Variants in EPHA5 observed in about 807,000 individuals in gnomAD.
The protein encoded by EPHA5 is ephrin type-A receptor 5.
In EPHA5, 60 loss-of-function variants were observed where a neutral mutation model predicts 105.0. That is an observed-to-expected ratio of 0.57 (90% confidence interval 0.46 to 0.71). The LOEUF is 0.71. Ranked by LOEUF, EPHA5 falls within the 30% of genes least tolerant of loss-of-function variation. The pLI is 0.00. For synonymous variants in EPHA5, 513 were observed against 449.1 expected (o/e 1.14, Z -1.80); for missense variants, 1,218 against 1,274.7 (o/e 0.96, Z 0.68).
At chr4:65,511,861 T>C (rs1440853357) in intron 3 of EPHA5, among the ~76,000 whole-genome samples, 1 of 152,174 alleles carries the variant, frequency 6.6e-6, no homozygotes, top group Non-Finnish European at 1.5e-5. Context: ...ACAAAACACC[T>C]TGTAGGTTTC....
chr4:65,398,877 A>G (rs1721521559), intron 8 of EPHA5, among the ~76,000 whole-genome samples: 1 of 152,202 alleles, frequency 6.6e-6, no homozygotes, highest in African/African-American at 2.4e-5. Flanking sequence ...CTGTTACTCA[A>G]TAAAGCACCC....
chr4:65,545,998 G>A (rs761089531), intron 3 of EPHA5, among the ~76,000 whole-genome samples: 4 of 151,840 alleles, frequency 2.6e-5, no homozygotes, highest in Non-Finnish European at 4.4e-5. Flanking sequence ...AGGCCATAAG[G>A]TCTCCATCAC....
intron 13 of EPHA5, among the ~76,000 whole-genome samples, chr4:65,350,883 A>T (rs1237231694): frequency 6.6e-6 from 1 of 151,976 alleles, no homozygotes; most frequent in Non-Finnish European, 1.5e-5. Context: ...TTTTCCCTAC[A>T]ATGTAAATCC....
At chr4:65,339,218 G>A (rs1470854901) in intron 14 of EPHA5, among the ~76,000 whole-genome samples, 29 of 152,094 alleles carry the variant, frequency 1.9e-4, no homozygotes, top group Admixed American at 1.8e-3. Flanking sequence ...TATCACATAA[G>A]TGTCATTGGG....
At chr4:65,425,331 G>A (rs536964899) in intron 5 of EPHA5, among the ~76,000 whole-genome samples, 2 of 152,158 alleles carry the variant, frequency 1.3e-5, no homozygotes, top group South Asian at 4.1e-4. Context: ...TCTGCCAGCT[G>A]GAAGCCCCCA....
chr4:65,417,131 C>A (rs1263115013), intron 6 of EPHA5, among the ~76,000 whole-genome samples: 2 of 152,178 alleles, frequency 1.3e-5, no homozygotes, highest in Non-Finnish European at 2.9e-5. Context: ...TTTGCCTCTG[C>A]CTTTAATTAA....
intron 3 of EPHA5, among the ~76,000 whole-genome samples, chr4:65,528,860 T>C (rs180720465): frequency 3.3e-5 from 5 of 152,220 alleles, no homozygotes; most frequent in Admixed American, 2.0e-4. Flanking sequence ...GGAAATAATA[T>C]ACTGTCAAGG....
At chr4:65,546,401 G>T (rs1037961990) in intron 3 of EPHA5, among the ~76,000 whole-genome samples, 1 of 151,968 alleles carries the variant, frequency 6.6e-6, no homozygotes, top group Non-Finnish European at 1.5e-5. Context: ...TTGTTAAAAG[G>T]TGGATATGCT....
rs561962915 is a variant in EPHA5, at chr4:65,547,511, A to G, written c.911-51968T>C. ...TTTTTATTTTTTTTCCTGGTGTTAT[A>G]TTAAAGGTGATGTTCCGGTTAAGTC... On this transcript the variant is annotated intron_variant, in intron 3 of 16. Transcript: ENST00000613740. 3.3e-5 allele frequency among the ~76,000 whole-genome samples: 5 copies of G among 152,018 alleles called. No homozygotes were observed. The East Asian group carries it at 9.7e-4, about 30-fold the overall frequency.
intron 3 of EPHA5, among the ~76,000 whole-genome samples, chr4:65,546,434 CAGTTTATT>C (rs1746794421): frequency 6.6e-6 from 1 of 151,948 alleles, no homozygotes; most frequent in Admixed American, 6.6e-5. Context: ...TAAAGCAATA[CAGTTTATT>C]TCACATTGGA....
At chr4:65,561,137 A>T (rs1251768656) in intron 3 of EPHA5, among the ~76,000 whole-genome samples, 2 of 152,010 alleles carry the variant, frequency 1.3e-5, no homozygotes, top group Non-Finnish European at 2.9e-5. Flanking sequence ...TGGAAAAAAA[A>T]TTTCCTCCGT....
rs960080420 is a variant in EPHA5 at position 65,542,919 on chromosome 4, T to C, written c.911-47376A>G. Among the ~76,000 whole-genome samples, 10 of 152,074 alleles carry C rather than the reference T, an allele frequency of 6.6e-5. No homozygotes were observed. The East Asian group carries it at 7.7e-4, about 12-fold the overall frequency. On this transcript the variant is annotated intron_variant, in intron 3 of 16. Coordinates refer to ENST00000613740, the MANE Select transcript of EPHA5 (RefSeq NM_001281766.3). Reference sequence around the variant, plus strand: ...CCTGGGATGCAAGGCTGGTTCAATATATGCAAATCAATAAACATAATCCAT... The same window carrying C: ...CCTGGGATGCAAGGCTGGTTCAATACATGCAAATCAATAAACATAATCCAT...
intron 1 of EPHA5, among the ~76,000 whole-genome samples, chr4:65,645,801 A>G (rs367637005): frequency 2.3e-4 from 35 of 152,230 alleles, no homozygotes; most frequent in African/African-American, 8.2e-4. Context: ...TTTTATTCGT[A>G]TATAGACTAG....
intron 3 of EPHA5, among the ~76,000 whole-genome samples, chr4:65,543,139 G>T (rs1004227397): frequency 6.6e-6 from 1 of 151,996 alleles, no homozygotes; most frequent in African/African-American, 2.4e-5. Flanking sequence ...AAAGCTGGAA[G>T]CATTCCCTTT....
At chr4:65,356,699 T>A (rs1723328940) in intron 11 of EPHA5, among the ~76,000 whole-genome samples, 1 of 151,564 alleles carries the variant, frequency 6.6e-6, no homozygotes, top group African/African-American at 2.4e-5. Context: ...TGCAAACAAG[T>A]ATGATCTTCT....
At chr4:65,648,372 C>T (rs1343904406) in intron 1 of EPHA5, among the ~76,000 whole-genome samples, 1 of 152,098 alleles carries the variant, frequency 6.6e-6, no homozygotes. Context: ...AGGAAATAGA[C>T]ACATTGGAAT....
chr4:65,494,085 C>T (rs1165155715), intron 4 of EPHA5, among the ~76,000 whole-genome samples: 1 of 152,038 alleles, frequency 6.6e-6, no homozygotes, highest in Non-Finnish European at 1.5e-5. Context: ...TACAAAAGAG[C>T]ATATAAAAAT....
chr4:65,652,037 T>C (rs1173521287), intron 1 of EPHA5, among the ~76,000 whole-genome samples: 1 of 152,184 alleles, frequency 6.6e-6, no homozygotes, highest in Non-Finnish European at 1.5e-5. Context: ...ACCAAACTTG[T>C]ATAATCTTAC....
At chr4:65,414,090 G>C (rs1488021629) in intron 7 of EPHA5, among the ~76,000 whole-genome samples, 194 bp downstream of exon 7, 1 of 152,140 alleles carries the variant, frequency 6.6e-6, no homozygotes, top group Non-Finnish European at 1.5e-5. Context: ...ATGCAATGAG[G>C]AGCACGGACC....
Sources: allele counts gnomAD v4.1 joint callset (sites outside exome capture counted in the v4.1 genomes callset), GRCh38; gene constraint gnomAD v4.1.1; transcripts MANE v1.5; gene names NCBI Gene and HGNC (gene_info 2026-07-23, HGNC 2026-07-21).